DEPTOR: variants seen among roughly 807,000 people sequenced by gnomAD.
DEPTOR encodes DEP domain containing MTOR interacting protein.
Under a neutral mutation model 41.6 loss-of-function variants are expected in DEPTOR, and 41 were observed. The observed-to-expected ratio is 0.98, with a 90% confidence interval of 0.77 to 1.28. DEPTOR has a LOEUF of 1.28. DEPTOR is among the 50% of genes most tolerant of loss of function. The pLI, the probability that DEPTOR is intolerant of heterozygous loss-of-function variation, is 0.00. For synonymous variants in DEPTOR, 195 were observed against 192.3 expected, an observed-to-expected ratio of 1.01 and a Z score of -0.12; for missense variants, 514 against 527.9, an observed-to-expected ratio of 0.97 and a Z score of 0.26.
At chr8:119,978,122 C>T (rs1828719425) in intron 4 of DEPTOR, among the ~76,000 whole-genome samples, 1 of 152,164 alleles carries the variant, frequency 6.6e-6, no homozygotes, top group Non-Finnish European at 1.5e-5. Context: ...CCTGACAGCT[C>T]GTCACCCAGT....
At chr8:119,916,055 C>T (rs139727276) in intron 1 of DEPTOR, among the ~76,000 whole-genome samples, 1 of 151,060 alleles carries the variant, frequency 6.6e-6, no homozygotes, top group East Asian at 2.0e-4. Context: ...ATGAGACATT[C>T]TCTATCATTC....
intron 1 of DEPTOR, among the ~76,000 whole-genome samples, chr8:119,900,219 C>T (rs947304945): frequency 6.7e-6 from 1 of 149,536 alleles, no homozygotes; most frequent in Non-Finnish European, 1.5e-5. Flanking sequence ...ACCCGGGAGG[C>T]TGAGACAGGA....
chr8:119,913,877 C>T (rs1237123805), intron 1 of DEPTOR, among the ~76,000 whole-genome samples: 1 of 152,152 alleles, frequency 6.6e-6, no homozygotes, highest in East Asian at 1.9e-4. Context: ...GTTGGCTTAC[C>T]ATGCCCTAGC....
At chr8:120,031,291 A>G (rs1489793667) in intron 8 of DEPTOR, among the ~76,000 whole-genome samples, 1 of 152,014 alleles carries the variant, frequency 6.6e-6, no homozygotes, top group African/African-American at 2.4e-5. Flanking sequence ...ACATGGTGAA[A>G]CCGTCTCTAC....
intron 1 of DEPTOR, among the ~76,000 whole-genome samples, chr8:119,907,785 C>A (rs201541441): frequency 3.3e-5 from 5 of 150,988 alleles, no homozygotes; most frequent in Non-Finnish European, 4.4e-5. Context: ...TCTCAAAAAA[C>A]AAAAAAAAAG....
intron 3 of DEPTOR, among the ~76,000 whole-genome samples, chr8:119,931,052 AAAT>A (rs1828036971): frequency 6.6e-6 from 1 of 151,994 alleles, no homozygotes; most frequent in South Asian, 2.1e-4. Flanking sequence ...TCTCCACTAA[AAAT>A]ACAAAAATTA....
chr8:120,027,110 C>T (rs1380716783), intron 8 of DEPTOR, among the ~76,000 whole-genome samples: 3 of 151,004 alleles, frequency 2.0e-5, no homozygotes, highest in East Asian at 2.0e-4. Context: ...CCCAGCTACT[C>T]GGGAGGCTGA....
At chr8:119,949,714 T>C (rs146124420) in intron 3 of DEPTOR, among the ~76,000 whole-genome samples, 2,822 of 152,264 alleles carry the variant, frequency 0.019, 78 homozygotes, top group African/African-American at 0.065. Flanking sequence ...GAGTCTTACT[T>C]TGTCACCCTG....
At chr8:119,990,308 C>T (rs944444261) in intron 4 of DEPTOR, among the ~76,000 whole-genome samples, 5 of 152,096 alleles carry the variant, frequency 3.3e-5, no homozygotes, top group African/African-American at 1.2e-4. Flanking sequence ...CAGGCGCCCA[C>T]CACCATGCCC....
At chr8:119,994,567 T>C (rs1434336686) in intron 4 of DEPTOR, among the ~76,000 whole-genome samples, 2 of 152,200 alleles carry the variant, frequency 1.3e-5, no homozygotes, top group Admixed American at 6.5e-5. Flanking sequence ...TATGATTTCA[T>C]ACGTTTTTCA....
chr8:120,033,050 A>C (rs1812915775), intron 8 of DEPTOR, among the ~76,000 whole-genome samples: 1 of 150,804 alleles, frequency 6.6e-6, no homozygotes, highest in Non-Finnish European at 1.5e-5. Flanking sequence ...GGTGAGTATC[A>C]TACCTAATAC....
At chr8:119,949,408 C>T (rs1828324277) in intron 3 of DEPTOR, among the ~76,000 whole-genome samples, 1 of 152,160 alleles carries the variant, frequency 6.6e-6, no homozygotes, top group Non-Finnish European at 1.5e-5. Flanking sequence ...ATGGCGGGAT[C>T]ATACAGTAAC....
At chr8:120,022,601 C>G (rs1225729185) in intron 8 of DEPTOR, among the ~76,000 whole-genome samples, 2 of 152,184 alleles carry the variant, frequency 1.3e-5, no homozygotes, top group Admixed American at 1.3e-4. Flanking sequence ...ATCCAAATAA[C>G]TAGTGTGAGG....
chr8:120,045,138 A>G lies in DEPTOR; in HGVS notation c.1102-4438A>G, dbSNP rs537546299. ...CAAGTAAGAAGGTTTGTGTGAAATG[A>G]GCAGTTCACGGTGTGCTTGCTCTGA... is the stretch of plus-strand genomic sequence containing the variant. On this transcript the variant is annotated intron_variant, in intron 8 of 8. Coordinates refer to ENST00000286234, the MANE Select transcript of DEPTOR (RefSeq NM_022783.4). Among the ~76,000 whole-genome samples the G allele has an allele frequency of 1.7e-4, 26 of 152,248 alleles. No individual in the cohort carries two copies. In the South Asian group the frequency reaches 5.4e-3, roughly 32 times the overall value.
At chr8:119,894,969 C>T (rs1827499750) in intron 1 of DEPTOR, among the ~76,000 whole-genome samples, 4 of 152,244 alleles carry the variant, frequency 2.6e-5, no homozygotes, top group Admixed American at 6.5e-5. Context: ...CTTTGGGAAT[C>T]GAATCTGTGT....
rs111265101 is a variant in DEPTOR at position 120,009,771 on chromosome 8, T to C, written c.1101+638T>C. Among the ~76,000 whole-genome samples the C allele has an allele frequency of 2.3e-3, 355 of 152,284 alleles. 1 individual carries two copies. The highest frequency in any genetic ancestry group is 7.9e-3 in the African/African-American group (327 of 41,566). ...TCAAATTTCCTTTTCCCTTTCTGAA[T>C]GGGGTTAAAATGAAGCCAAGCACAT... On this transcript the variant is annotated intron_variant, in intron 8 of 8. Coordinates refer to ENST00000286234, the MANE Select transcript of DEPTOR (RefSeq NM_022783.4).
At chr8:120,019,171 G>A (rs1297452280) in intron 8 of DEPTOR, among the ~76,000 whole-genome samples, 1 of 152,042 alleles carries the variant, frequency 6.6e-6, no homozygotes, top group African/African-American at 2.4e-5. Flanking sequence ...CTGGCATGGT[G>A]GCCCATGCCT....
intron 1 of DEPTOR, among the ~76,000 whole-genome samples, chr8:119,891,801 A>G (rs142596760): frequency 2.6e-5 from 4 of 152,322 alleles, no homozygotes; most frequent in Non-Finnish European, 4.4e-5. Context: ...GTCCCAGCCA[A>G]AGCTGTATAA....
chr8:119,961,692 A>T (rs1828495189), intron 3 of DEPTOR, among the ~76,000 whole-genome samples: 1 of 152,116 alleles, frequency 6.6e-6, no homozygotes, highest in Non-Finnish European at 1.5e-5. Flanking sequence ...CATTTTTCTC[A>T]TTTGAATGGG....
Sources: gnomAD v4.1 joint callset for allele counts (sites outside exome capture counted in the v4.1 genomes callset) on GRCh38, gnomAD v4.1.1 for gene constraint, MANE v1.5 for transcripts, NCBI Gene and HGNC (gene_info 2026-07-23, HGNC 2026-07-21) for gene names.